The following ZFHX3 variants were observed in gnomAD, a reference collection of about 807,000 sequenced individuals.
ZFHX3 encodes the protein zinc finger homeobox 3.
Under a neutral mutation model 279.1 loss-of-function variants are expected in ZFHX3, and 42 were observed. The observed-to-expected ratio is 0.15, with a 90% confidence interval of 0.12 to 0.19. ZFHX3 has a LOEUF of 0.19. ZFHX3 is among the 10% of genes least tolerant of loss of function. ZFHX3 has a pLI of 1.00. For missense variants in ZFHX3, 4,981 were observed against 4,754.0 expected (o/e 1.05, Z -1.40); for synonymous variants, 2,293 against 1,957.8 (o/e 1.17, Z -4.52).
At chr16:72,835,462 G>C (rs987150489) in intron 4 of ZFHX3, among the ~76,000 whole-genome samples, 2 of 151,986 alleles carry the variant, frequency 1.3e-5, no homozygotes, top group South Asian at 4.2e-4. Flanking sequence ...CATCTTTCCT[G>C]GAATGAGGTT....
At chr16:73,281,179 T>C (rs181974450) in intron 4 of ZFHX3, among the ~76,000 whole-genome samples, 7 of 152,298 alleles carry the variant, frequency 4.6e-5, no homozygotes, top group Non-Finnish European at 7.4e-5. Flanking sequence ...ATATCTGCAC[T>C]CTCATGTTCA....
intron 2 of ZFHX3, among the ~76,000 whole-genome samples, chr16:73,645,655 C>A (rs1174919099): frequency 6.6e-6 from 1 of 152,100 alleles, no homozygotes; most frequent in Non-Finnish European, 1.5e-5. Context: ...AAATACGTAG[C>A]ATGGATAGTT....
At chr16:73,510,957 G>C (rs747834809) in intron 2 of ZFHX3, among the ~76,000 whole-genome samples, 1 of 152,238 alleles carries the variant, frequency 6.6e-6, no homozygotes, top group Non-Finnish European at 1.5e-5. Flanking sequence ...ATTATGCACA[G>C]GCTTTGACCA....
chr16:73,360,933 C>T (rs2016424182), intron 3 of ZFHX3, among the ~76,000 whole-genome samples: 1 of 151,970 alleles, frequency 6.6e-6, no homozygotes. Context: ...ATGAGCCACC[C>T]CAGCCTCCAC....
At position 72,788,145 on chromosome 16, in the gene ZFHX3, C is replaced by T. The variant is rs2035531644; in HGVS notation, c.10131G>A (p.Gln3377=). Residue 3377 remains glutamine (Q), a synonymous_variant, in exon 10 of 10, where the codon CAG becomes CAA. Transcript: ENST00000268489. ...YQQSLQEAIQ[Q]QQQRQLQQQQ... is the part of the protein sequence containing the mutation. ...GCTGCTGTAGTTGCCGCTGCTGCTG[C>T]TGCTGAATTGCCTCCTGCAGACTCT... 1 of 1,611,504 alleles carries T rather than the reference C, an allele frequency of 6.2e-7. No individual in the cohort carries two copies. Among genetic ancestry groups the T allele is most frequent in the Non-Finnish European group, 8.5e-7 (1 of 1,179,096 alleles).
intron 2 of ZFHX3, among the ~76,000 whole-genome samples, chr16:73,508,713 T>C (rs1057286476): frequency 3.9e-5 from 6 of 152,170 alleles, no homozygotes; most frequent in African/African-American, 1.4e-4. Flanking sequence ...ACTGGAAATA[T>C]GAGCAGATGC....
intron 1 of ZFHX3, among the ~76,000 whole-genome samples, chr16:73,814,672 A>G (rs1960518636): frequency 6.6e-6 from 1 of 151,206 alleles, no homozygotes; most frequent in African/African-American, 2.4e-5. Flanking sequence ...GGTTCAAGTG[A>G]TTCTCCTGCC....
intron 5 of ZFHX3, among the ~76,000 whole-genome samples, chr16:73,236,778 GTTC>G (rs2012962829): frequency 6.6e-6 from 1 of 152,116 alleles, no homozygotes; most frequent in South Asian, 2.1e-4. Flanking sequence ...TTTAAAAAAT[GTTC>G]TTCTTACCCA....
At chr16:73,609,258 T>C (rs1370834425) in intron 2 of ZFHX3, 4 of 152,216 alleles carry the variant, frequency 2.6e-5, no homozygotes, top group Non-Finnish European at 5.9e-5. Context: ...TTCTGCATCG[T>C]ACAACCAATT....
chr16:73,070,930 GCGCGCGCGCA>G (rs1281710832), intron 8 of ZFHX3, among the ~76,000 whole-genome samples: 11 of 26,936 alleles, frequency 4.1e-4, no homozygotes, highest in Non-Finnish European at 5.3e-4. Context: ...GCGCGCGCGC[GCGCGCGCGCA>G]CACACACACA....
chr16:73,316,365 G>T (rs2143181505), intron 4 of ZFHX3, among the ~76,000 whole-genome samples: 1 of 152,174 alleles, frequency 6.6e-6, no homozygotes, highest in South Asian at 2.1e-4. Context: ...AGCCCCTCCA[G>T]ACCTGCCCCT....
chr16:72,904,367 AAAATAAATAAATAAATAAATAAAT>A (rs200166214), intron 3 of ZFHX3, among the ~76,000 whole-genome samples: 2,863 of 140,050 alleles, frequency 0.02, 96 homozygotes, highest in African/African-American at 0.072. Flanking sequence ...ATTCTGTCTC[AAAATAAATAAATAAATAAATAAAT>A]AAATAAATAA....
intron 3 of ZFHX3, among the ~76,000 whole-genome samples, chr16:73,432,980 C>T (rs12918898): frequency 0.51 from 77,706 of 152,066 alleles, 20,443 homozygotes; most frequent in Non-Finnish European, 0.59. Flanking sequence ...TAGCTCCCAA[C>T]GAGGTCCTGC....
At chr16:73,263,071 C>G (rs1447686915) in intron 4 of ZFHX3, among the ~76,000 whole-genome samples, 1 of 152,192 alleles carries the variant, frequency 6.6e-6, no homozygotes, top group Non-Finnish European at 1.5e-5. Context: ...TGAGATAAAT[C>G]AATAAAATGC....
intron 5 of ZFHX3, among the ~76,000 whole-genome samples, chr16:73,244,009 T>C (rs144573132): frequency 6.6e-6 from 1 of 152,284 alleles, no homozygotes; most frequent in East Asian, 1.9e-4. Context: ...AATGGTACAC[T>C]GATGGCCAGG....
rs375392183 is a variant in ZFHX3 at position 72,958,054 on chromosome 16, C to T, written c.2092G>A (p.Gly698Arg). 2.5e-6 allele frequency: 4 copies of T among 1,613,782 alleles called. No individual in the cohort carries two copies. The highest frequency in any genetic ancestry group is 1.3e-5 in the African/African-American group (1 of 75,052). Residue 698 changes from glycine to arginine, a missense_variant, in exon 2 of 10, where the codon GGG (glycine) becomes AGG (arginine). Physicochemically the swap from Gly to Arg is moderately radical, Grantham distance 125 (BLOSUM62 -2). Coordinates refer to ENST00000268489, the MANE Select transcript of ZFHX3 (RefSeq NM_006885.4). Reference sequence around the variant, plus strand: ...CTTTTGCAGTAGACACAGGAGCCCCCCGGCTCCGGGTGCTTCTCCTTCATG... The same window carrying T: ...CTTTTGCAGTAGACACAGGAGCCCCTCGGCTCCGGGTGCTTCTCCTTCATG... ...AHMKEKHPEP[G>R]GSCVYCKSGQ...
intron 2 of ZFHX3, among the ~76,000 whole-genome samples, chr16:73,631,898 T>TTCTCTCTCTCTCTCTCTCTCTCTCTC (rs139812596): frequency 7.7e-6 from 1 of 130,238 alleles, no homozygotes; most frequent in Admixed American, 7.9e-5. Flanking sequence ...TAGAGTGGGA[T>TTCTCTCTCTCTCTCTCTCTCTCTCTC]TCTCTCTCTC....
chr16:72,930,648 C>T (rs2144291431), intron 3 of ZFHX3, among the ~76,000 whole-genome samples: 1 of 152,316 alleles, frequency 6.6e-6, no homozygotes. Flanking sequence ...GCACTTAGCT[C>T]TTTCAGCCAC....
intron 4 of ZFHX3, among the ~76,000 whole-genome samples, chr16:73,311,373 T>C (rs1003761717): frequency 1.3e-5 from 2 of 152,112 alleles, no homozygotes; most frequent in Non-Finnish European, 2.9e-5. Flanking sequence ...GGCAGGCAGA[T>C]CACCTGAGGT....
Sources: gnomAD v4.1 joint callset for allele counts (sites outside exome capture counted in the v4.1 genomes callset) on GRCh38, gnomAD v4.1.1 for gene constraint, MANE v1.5 for transcripts, NCBI Gene and HGNC (gene_info 2026-07-23, HGNC 2026-07-21) for gene names.